SPOP: variants seen among roughly 807,000 people sequenced by gnomAD.
The protein encoded by SPOP is speckle-type POZ protein.
In SPOP, 11 loss-of-function variants were observed where a neutral mutation model predicts 45.6. That is an observed-to-expected ratio of 0.24 (90% CI 0.15 to 0.40). SPOP has a LOEUF of 0.40. Ranked by LOEUF, SPOP falls within the 10% of genes least tolerant of loss-of-function variation. SPOP has a pLI of 1.00. For missense variants in SPOP, 152 were observed against 465.6 expected (o/e 0.33, Z 6.20); for synonymous variants, 166 against 166.3 (o/e 1.00, Z 0.01).
At chr17:49,640,268 T>A (rs1353365402) in intron 1 of SPOP, among the ~76,000 whole-genome samples, 1 of 151,686 alleles carries the variant, frequency 6.6e-6, no homozygotes, top group African/African-American at 2.4e-5. Flanking sequence ...AAAAAAAAGT[T>A]CAAAGCATAC....
intron 1 of SPOP, among the ~76,000 whole-genome samples, chr17:49,631,203 C>T (rs532811935): frequency 6.6e-5 from 10 of 151,882 alleles, no homozygotes; most frequent in African/African-American, 1.9e-4. Flanking sequence ...TTATAAAACA[C>T]GTGAAAATGG....
At chr17:49,665,564 G>A (rs979071596) in intron 1 of SPOP, among the ~76,000 whole-genome samples, 9 of 147,708 alleles carry the variant, frequency 6.1e-5, no homozygotes, top group Admixed American at 6.8e-5. Flanking sequence ...GCAGTGAGCC[G>A]AGATCGCACC....
intron 8 of SPOP, among the ~76,000 whole-genome samples, chr17:49,604,070 T>C (rs1321089392): frequency 2.0e-5 from 3 of 152,216 alleles, no homozygotes; most frequent in East Asian, 3.8e-4. Context: ...CTTATCCTTA[T>C]GGAATCTAGA....
At chr17:49,603,633 A>G (rs749372487) in intron 8 of SPOP, among the ~76,000 whole-genome samples, 19 of 152,222 alleles carry the variant, frequency 1.2e-4, no homozygotes, top group Non-Finnish European at 2.2e-4. Flanking sequence ...CTCTTGGGTA[A>G]ATTCTAGATG....
intron 1 of SPOP, among the ~76,000 whole-genome samples, chr17:49,672,256 T>C (rs2073145684): frequency 6.6e-6 from 1 of 152,090 alleles, no homozygotes; most frequent in Non-Finnish European, 1.5e-5. Context: ...CAAAAACCAA[T>C]GAATTAACTG....
At chr17:49,633,719 G>A (rs1355441703) in intron 1 of SPOP, among the ~76,000 whole-genome samples, 1 of 152,168 alleles carries the variant, frequency 6.6e-6, no homozygotes, top group Non-Finnish European at 1.5e-5. Flanking sequence ...GTTTGTCCTA[G>A]AAAGGGGCAG....
chr17:49,650,181 G>A (rs541470475), intron 1 of SPOP, among the ~76,000 whole-genome samples: 1 of 152,026 alleles, frequency 6.6e-6, no homozygotes, highest in Non-Finnish European at 1.5e-5. Flanking sequence ...GTGAGCTACC[G>A]CACCCAGCCC....
intron 8 of SPOP, chr17:49,602,316 A>G (rs188980613): frequency 8.6e-5 from 20 of 233,362 alleles, no homozygotes; most frequent in African/African-American, 4.3e-4. Flanking sequence ...GACTGTGATG[A>G]AAGTTGTTCT....
At chr17:49,665,341 G>A (rs1010975747) in intron 1 of SPOP, among the ~76,000 whole-genome samples, 11 of 152,154 alleles carry the variant, frequency 7.2e-5, no homozygotes, top group South Asian at 2.1e-4. Context: ...GGGGCCCGGC[G>A]CAGTGGCACA....
chr17:49,669,430 A>T (rs1231092907), intron 1 of SPOP, among the ~76,000 whole-genome samples: 17 of 107,196 alleles, frequency 1.6e-4, no homozygotes, highest in South Asian at 2.9e-4. Flanking sequence ...AAAATAAATT[A>T]AAAAAAAAAA....
At chr17:49,676,797 G>C (rs556404747) in intron 1 of SPOP, among the ~76,000 whole-genome samples, 17 of 151,990 alleles carry the variant, frequency 1.1e-4, no homozygotes, top group Non-Finnish European at 2.4e-4. Flanking sequence ...ACATATAATC[G>C]CTAACTGAAA....
intron 1 of SPOP, among the ~76,000 whole-genome samples, chr17:49,653,549 A>G (rs1414526383): frequency 6.6e-6 from 1 of 152,062 alleles, no homozygotes; most frequent in Non-Finnish European, 1.5e-5. Context: ...AAACAAGTAT[A>G]TCTAAACATA....
chr17:49,660,497 T>C (rs1220781479), intron 1 of SPOP, among the ~76,000 whole-genome samples: 1 of 152,226 alleles, frequency 6.6e-6, no homozygotes, highest in Non-Finnish European at 1.5e-5. Context: ...ATTTTATTTA[T>C]CTTGTTTGCT....
intron 2 of SPOP, 102 bp from the exon 3 acceptor site, chr17:49,622,169 C>T: frequency 1.4e-6 from 2 of 1,441,228 alleles, no homozygotes; most frequent in Non-Finnish European, 1.9e-6. Flanking sequence ...TCTGCATGAT[C>T]CTGATAGGAA....
At chr17:49,673,183 G>C (rs1223741892) in intron 1 of SPOP, among the ~76,000 whole-genome samples, 1 of 152,110 alleles carries the variant, frequency 6.6e-6, no homozygotes, top group Non-Finnish European at 1.5e-5. Flanking sequence ...GTGTCATGAT[G>C]TTTGCAATAC....
At chr17:49,662,870 T>G (rs2073007423) in intron 1 of SPOP, among the ~76,000 whole-genome samples, 1 of 152,184 alleles carries the variant, frequency 6.6e-6, no homozygotes, top group African/African-American at 2.4e-5. Context: ...AGTATTGACC[T>G]TTGTTTCCCC....
intron 8 of SPOP, among the ~76,000 whole-genome samples, chr17:49,605,324 A>C (rs2071817128): frequency 1.3e-5 from 2 of 152,222 alleles, no homozygotes; most frequent in African/African-American, 4.8e-5. Flanking sequence ...GCCATGCCTC[A>C]CTATCCTTGG....
intron 1 of SPOP, among the ~76,000 whole-genome samples, chr17:49,661,544 C>G (rs1032154056): frequency 7.9e-5 from 12 of 152,180 alleles, no homozygotes; most frequent in African/African-American, 2.7e-4. Flanking sequence ...ACCCCAGCTT[C>G]CCCAAAGAAC....
chr17:49,611,397 C>T lies in SPOP; in HGVS notation c.541G>A (p.Val181Ile), dbSNP rs2071969743. Reference protein sequence around the residue: ...SGQNTMNMVKVPECRLADELG... With the variant: ...SGQNTMNMVKIPECRLADELG... ...TCATCTGCCAGCCGGCACTCAGGAA[C>T]CTTTACCATGTTCATGGTATTCTGG... is the stretch of plus-strand genomic sequence containing the variant. Residue 181 changes from valine to isoleucine, a missense_variant, in exon 6 of 10, where the codon GTT (valine) becomes ATT (isoleucine). Physicochemically the swap from Val to Ile is conservative, Grantham distance 29. Coordinates refer to ENST00000504102, the MANE Select transcript of SPOP (RefSeq NM_001007228.2). 3 of 1,614,042 alleles carry T rather than the reference C, an allele frequency of 1.9e-6. No homozygotes were observed. The highest frequency in any genetic ancestry group is 3.3e-5 in the Admixed American group (2 of 60,004).
Sources: allele counts gnomAD v4.1 joint callset (sites outside exome capture counted in the v4.1 genomes callset), GRCh38; gene constraint gnomAD v4.1.1; transcripts MANE v1.5; gene names NCBI Gene and HGNC (gene_info 2026-07-23, HGNC 2026-07-21).